UBA6: variants seen among roughly 807,000 people sequenced by gnomAD.
UBA6 encodes the protein ubiquitin-like modifier-activating enzyme 6.
In UBA6, 87 loss-of-function variants were observed where a neutral mutation model predicts 148.3. That is an observed-to-expected ratio of 0.59 (90% CI 0.49 to 0.70). The LOEUF (loss-of-function observed/expected upper bound fraction) is 0.70. UBA6 is among the 30% of genes least tolerant of loss of function. The pLI, the probability that UBA6 is intolerant of heterozygous loss-of-function variation, is 0.00. For synonymous variants in UBA6, 376 were observed against 401.0 expected, an observed-to-expected ratio of 0.94 and a Z score of 0.75; for missense variants, 1,186 against 1,241.2, an observed-to-expected ratio of 0.96 and a Z score of 0.67.
intron 8 of UBA6, among the ~76,000 whole-genome samples, chr4:67,670,077 T>C (rs932733849): frequency 2.0e-5 from 3 of 152,122 alleles, no homozygotes; most frequent in Non-Finnish European, 2.9e-5. Flanking sequence ...GCCTCCTTAG[T>C]AGCTGGGACC....
chr4:67,681,691 T>C (rs113904990), intron 3 of UBA6, 100 bp from the exon 4 acceptor site: 10 of 784,488 alleles, frequency 1.3e-5, no homozygotes, highest in African/African-American at 9.1e-5. Flanking sequence ...TACTTTTAAC[T>C]TCTTTTTTTA....
In UBA6 at chr4:67,617,822, C is replaced by CT. The variant is rs1402126632; in HGVS notation, c.*1174dup. On this transcript the variant is annotated 3_prime_UTR_variant, in exon 33 of 33. Coordinates refer to ENST00000322244, the MANE Select transcript of UBA6 (RefSeq NM_018227.6). ...CAACTGCTTCAGAATGCATGACAGT[C>CT]TTAGTAATAAAAGAATCATTTACTA... is the stretch of plus-strand genomic sequence containing the variant. 2.0e-5 allele frequency: 3 copies of CT among 152,034 alleles called. No individual in the cohort carries two copies. The highest frequency in any genetic ancestry group is 2.1e-4 in the South Asian group (1 of 4,820). 9.4% of individuals were successfully genotyped at this position (152,034 alleles called of 1,614,324 possible).
In UBA6 at chr4:67,614,907, T is replaced by C. The variant is rs911155821; in HGVS notation, c.*4090A>G. The C allele has an allele frequency of 2.4e-4, 37 of 152,262 alleles. No individual in the cohort carries two copies. The highest frequency in any genetic ancestry group is 8.7e-4 in the African/African-American group (36 of 41,546). 9.4% of individuals were successfully genotyped at this position (152,262 alleles called of 1,614,324 possible). ...GTGTGGCAGTCCTGACAAGATACTTTACAAAAACAGAAAGTCAAATTGGCC... is the reference window on the plus strand; with the variant it reads ...GTGTGGCAGTCCTGACAAGATACTTCACAAAAACAGAAAGTCAAATTGGCC... On this transcript the variant is annotated 3_prime_UTR_variant, in exon 33 of 33. Coordinates refer to ENST00000322244, the MANE Select transcript of UBA6 (RefSeq NM_018227.6).
chr4:67,639,138 A>G lies in UBA6; in HGVS notation c.1555-14T>C. The G allele has an allele frequency of 1.9e-6, 3 of 1,598,668 alleles. No homozygotes were observed. Among genetic ancestry groups the G allele is most frequent in the Middle Eastern group, 1.7e-4 (1 of 5,866 alleles). On this transcript the variant is annotated splice_polypyrimidine_tract_variant and intron_variant, in intron 18 of 32. Transcript: ENST00000322244. Reference sequence around the variant, plus strand: ...GCTTTTAGGTTTCTAAACAAATAATATAAGCAGAAGGAATATGTTAAACAA... The same window carrying G: ...GCTTTTAGGTTTCTAAACAAATAATGTAAGCAGAAGGAATATGTTAAACAA...
intron 13 of UBA6, among the ~76,000 whole-genome samples, chr4:67,650,510 A>T (rs1729528570): frequency 6.6e-6 from 1 of 152,198 alleles, no homozygotes; most frequent in South Asian, 2.1e-4. Flanking sequence ...ATTTCCCCAA[A>T]TAATCTCCAA....
At chr4:67,697,330 C>T (rs1205149711) in intron 1 of UBA6, among the ~76,000 whole-genome samples, 1 of 152,212 alleles carries the variant, frequency 6.6e-6, no homozygotes, top group Non-Finnish European at 1.5e-5. Context: ...TCTAATGGAT[C>T]TGTATTTCAG....
chr4:67,692,207 A>T (rs575991352), intron 2 of UBA6, among the ~76,000 whole-genome samples: 3 of 152,340 alleles, frequency 2.0e-5, no homozygotes, highest in Admixed American at 1.3e-4. Context: ...ACACAACATG[A>T]GAAGCAGCTT....
chr4:67,639,738 G>A (rs1214580840), intron 18 of UBA6, among the ~76,000 whole-genome samples: 1 of 151,970 alleles, frequency 6.6e-6, no homozygotes, highest in Non-Finnish European at 1.5e-5. Context: ...ACATACCTAT[G>A]ATAAAGTTTA....
Position 67,624,270 on chromosome 4 carries a change from G to A in UBA6, c.2713-17C>T. The A allele has an allele frequency of 6.3e-7, 1 of 1,585,278 alleles. No homozygotes were observed. The highest frequency in any genetic ancestry group is 8.5e-7 in the Non-Finnish European group (1 of 1,170,058). On this transcript the variant is annotated splice_polypyrimidine_tract_variant and intron_variant, in intron 29 of 32. Transcript: ENST00000322244. ...CAAGGCAACCTAGATAAAAGAAGGT[G>A]ATCTGATAATATAAACAGCCTAAAA...
Position 67,616,107 on chromosome 4 carries a change from A to C in UBA6, c.*2890T>G, listed in dbSNP as rs1395691891. On this transcript the variant is annotated 3_prime_UTR_variant, in exon 33 of 33. Coordinates refer to ENST00000322244, the MANE Select transcript of UBA6 (RefSeq NM_018227.6). ...CAAAGTTATGACATAGAGCAAAATG[A>C]ACACATATTATCAATGGATACTTAA... 7.6e-6 allele frequency: 3 copies of C among 396,550 alleles called. No homozygotes were observed. The highest frequency in any genetic ancestry group is 4.4e-5 in the Admixed American group (1 of 22,642). The allele number at this position is 396,550 out of a possible 1,614,324, so 24.6% of individuals were successfully genotyped here.
At position 67,616,232 on chromosome 4, in the gene UBA6, T is replaced by C; in HGVS notation, c.*2765A>G. On this transcript the variant is annotated 3_prime_UTR_variant, in exon 33 of 33. Transcript: ENST00000322244. ...ATGAAAAGTAAAATCGCTAAATCCA[T>C]ACACAGTGATTATATAAAATTAGAT... 3 of 395,030 alleles carry C rather than the reference T, an allele frequency of 7.6e-6. No individual in the cohort carries two copies. The highest frequency in any genetic ancestry group is 1.3e-5 in the Non-Finnish European group (3 of 223,812). 24.5% of individuals were successfully genotyped at this position (395,030 alleles called of 1,614,324 possible). A position where few individuals can be genotyped will look rare whatever the true frequency, so the allele number is the denominator to read the frequency against.
At chr4:67,659,052 G>C (rs976992923) in intron 13 of UBA6, among the ~76,000 whole-genome samples, 3 of 152,102 alleles carry the variant, frequency 2.0e-5, no homozygotes, top group African/African-American at 7.2e-5. Context: ...CAATAAACTT[G>C]ATAAATCCCT....
At chr4:67,633,642 TTC>T (rs1415870804) in intron 22 of UBA6, among the ~76,000 whole-genome samples, 169 bp from the exon 23 acceptor site, 3 of 152,182 alleles carry the variant, frequency 2.0e-5, no homozygotes, top group African/African-American at 7.2e-5. Context: ...TTCTTTTCTT[TTC>T]TGTTTGAGAA....
intron 31 of UBA6, 27 bp downstream of exon 31, chr4:67,623,108 T>C (rs1483199498): frequency 6.5e-7 from 1 of 1,531,794 alleles, no homozygotes; most frequent in Non-Finnish European, 9.0e-7. Flanking sequence ...AAGCTACTAA[T>C]GAACTAAATG....
chr4:67,681,105 G>A (rs558836587), intron 4 of UBA6, among the ~76,000 whole-genome samples: 13 of 152,238 alleles, frequency 8.5e-5, no homozygotes, highest in Non-Finnish European at 1.6e-4. Flanking sequence ...GACAACAAAT[G>A]TTGCTTAAGC....
Position 67,629,650 on chromosome 4 carries a change from G to A in UBA6, c.2329-508C>T, listed in dbSNP as rs996278381. Among the ~76,000 whole-genome samples, 5 of 152,140 alleles carry A rather than the reference G, an allele frequency of 3.3e-5. No individual in the cohort carries two copies. The East Asian group carries it at 7.7e-4, about 23-fold the overall frequency. On this transcript the variant is annotated intron_variant, in intron 26 of 32. Coordinates refer to ENST00000322244, the MANE Select transcript of UBA6 (RefSeq NM_018227.6). ...TATTTACATTTGTCATTGAGAAGTT[G>A]CTTGGCAAAGGCTGAGACTTAGTGC...
chr4:67,665,900 T>C (rs906588828), intron 9 of UBA6, among the ~76,000 whole-genome samples: 6 of 152,122 alleles, frequency 3.9e-5, no homozygotes, highest in Admixed American at 6.5e-5. Context: ...GGAAGGCTTT[T>C]CTAAGTAACA....
intron 31 of UBA6, 86 bp from the exon 32 acceptor site, chr4:67,623,011 T>C (rs1300026504): frequency 2.9e-6 from 4 of 1,357,502 alleles, no homozygotes; most frequent in Non-Finnish European, 4.1e-6. Flanking sequence ...AACAATGTTT[T>C]ATGACCAGTA....
At chr4:67,649,306 TCTAAAAAAG>T in intron 13 of UBA6, 95 bp from the exon 14 acceptor site, 1 of 1,245,288 alleles carries the variant, frequency 8.0e-7, no homozygotes, top group Non-Finnish European at 1.1e-6. Context: ...GAACTTAACT[TCTAAAAAAG>T]CTATTCAGTT....
Sources: gnomAD v4.1 joint callset for allele counts (sites outside exome capture counted in the v4.1 genomes callset) on GRCh38, gnomAD v4.1.1 for gene constraint, MANE v1.5 for transcripts, NCBI Gene and HGNC (gene_info 2026-07-23, HGNC 2026-07-21) for gene names.